Variants in RFPL1 observed in about 807,000 individuals in gnomAD.
The protein encoded by RFPL1 is ret finger protein like 1.
RFPL1 carries 6 observed loss-of-function variants against 9.6 expected under a neutral mutation model. The observed-to-expected ratio is 0.62, with a 90% CI of 0.34 to 1.23. RFPL1 has a LOEUF of 1.23. RFPL1 is among the 50% of genes most tolerant of loss of function. The pLI is 0.03. For missense variants in RFPL1, 352 were observed against 398.4 expected (o/e 0.88, Z 0.99); for synonymous variants, 145 against 149.4 (o/e 0.97, Z 0.22).
At chr22:29,440,856 T>A (rs549618950) in intron 1 of RFPL1, 2 of 152,532 alleles carry the variant, frequency 1.3e-5, no homozygotes, top group South Asian at 4.1e-4. Context: ...ATTACAGGTG[T>A]GAGCCACCGC....
At chr22:29,413,079 A>G in the RFPL1 span, among the ~76,000 whole-genome samples, 2 of 151,820 alleles carry the variant, frequency 1.3e-5, no homozygotes, top group East Asian at 3.9e-4. Flanking sequence ...AGAGCAGCAA[A>G]CGATTCTGCA....
upstream of RFPL1, chr22:29,438,179 CT>C (rs60607519): frequency 0.22 from 20,938 of 94,442 alleles, 1,205 homozygotes; most frequent in African/African-American, 0.24. Context: ...CAGTCCCTCT[CT>C]TTTTTTTTTT....
the RFPL1 span, among the ~76,000 whole-genome samples, chr22:29,428,083 C>G: frequency 2.0e-5 from 3 of 152,182 alleles, no homozygotes; most frequent in African/African-American, 7.2e-5. Flanking sequence ...GTGGATTTGT[C>G]AGCTTTCTTC....
the RFPL1 span, among the ~76,000 whole-genome samples, chr22:29,404,860 AG>A: frequency 6.6e-6 from 1 of 152,100 alleles, no homozygotes; most frequent in Non-Finnish European, 1.5e-5. Context: ...CCACGTACCT[AG>A]GTAAACAAGA....
the RFPL1 span, among the ~76,000 whole-genome samples, chr22:29,400,372 T>C: frequency 6.6e-6 from 1 of 152,220 alleles, no homozygotes; most frequent in South Asian, 2.1e-4. Context: ...ACAAGTCTAT[T>C]CAGAGAGCTG....
chr22:29,438,431 C>T (rs537000077), upstream of RFPL1: 7 of 288,744 alleles, frequency 2.4e-5, no homozygotes, highest in South Asian at 1.3e-4. Context: ...GATCCACTCA[C>T]GTCAGCCTCC....
the RFPL1 span, among the ~76,000 whole-genome samples, chr22:29,402,859 A>G: frequency 7.1e-6 from 1 of 140,234 alleles, no homozygotes. Flanking sequence ...CGAATAGTGC[A>G]GTCACCACAG....
At chr22:29,410,578 TATATC>T in the RFPL1 span, among the ~76,000 whole-genome samples, 1 of 133,590 alleles carries the variant, frequency 7.5e-6, no homozygotes. Flanking sequence ...ATATTGTAGA[TATATC>T]TATCTATATA....
At chr22:29,405,791 C>T in the RFPL1 span, among the ~76,000 whole-genome samples, 2 of 152,178 alleles carry the variant, frequency 1.3e-5, no homozygotes, top group African/African-American at 2.4e-5. Context: ...GCCCGTCCCT[C>T]GGGGCTAATG....
At chr22:29,424,934 G>T in the RFPL1 span, among the ~76,000 whole-genome samples, 1 of 149,912 alleles carries the variant, frequency 6.7e-6, no homozygotes, top group Non-Finnish European at 1.5e-5. Flanking sequence ...GCCAGGCGCG[G>T]TGGCTCACGC....
the RFPL1 span, among the ~76,000 whole-genome samples, chr22:29,430,069 G>C: frequency 6.6e-6 from 1 of 152,090 alleles, no homozygotes; most frequent in East Asian, 1.9e-4. Flanking sequence ...GATGTGACTC[G>C]TCTATGTAAT....
chr22:29,393,059 G>A, the RFPL1 span, among the ~76,000 whole-genome samples: 2 of 152,214 alleles, frequency 1.3e-5, no homozygotes, highest in African/African-American at 2.4e-5. Flanking sequence ...ATAACTCAGA[G>A]TGGTAGGAAG....
the RFPL1 span, among the ~76,000 whole-genome samples, chr22:29,392,993 TC>T: frequency 1.3e-5 from 2 of 151,946 alleles, no homozygotes; most frequent in African/African-American, 4.8e-5. Flanking sequence ...TATGGCACAA[TC>T]CCCCCTTGGG....
chr22:29,417,525 C>T, the RFPL1 span, among the ~76,000 whole-genome samples: 1 of 148,478 alleles, frequency 6.7e-6, no homozygotes, highest in Admixed American at 6.7e-5. Flanking sequence ...CTGGGCACCA[C>T]GAGGGCATGG....
the RFPL1 span, among the ~76,000 whole-genome samples, chr22:29,428,272 G>A: frequency 6.6e-6 from 1 of 152,044 alleles, no homozygotes; most frequent in Non-Finnish European, 1.5e-5. Flanking sequence ...GACATAGCAG[G>A]TCATTATATA....
At chr22:29,429,745 C>CA in the RFPL1 span, among the ~76,000 whole-genome samples, 1 of 152,054 alleles carries the variant, frequency 6.6e-6, no homozygotes, top group African/African-American at 2.4e-5. Flanking sequence ...AAGACCGCAC[C>CA]AAAAAACTGT....
chr22:29,422,699 C>T, the RFPL1 span, among the ~76,000 whole-genome samples: 3 of 151,956 alleles, frequency 2.0e-5, no homozygotes, highest in Non-Finnish European at 4.4e-5. Flanking sequence ...GCCAAGATCG[C>T]GCCACTGCAC....
the RFPL1 span, among the ~76,000 whole-genome samples, chr22:29,408,245 C>T: frequency 1.3e-5 from 2 of 152,200 alleles, no homozygotes; most frequent in East Asian, 3.8e-4. Flanking sequence ...CTGAACCATA[C>T]AGTGCCTTTC....
chr22:29,408,970 T>C, the RFPL1 span, among the ~76,000 whole-genome samples: 2 of 152,186 alleles, frequency 1.3e-5, no homozygotes, highest in Non-Finnish European at 2.9e-5. Context: ...ATAAAGGCCT[T>C]TGCCAACAGA....
Sources: allele counts gnomAD v4.1 joint callset (sites outside exome capture counted in the v4.1 genomes callset), GRCh38; gene constraint gnomAD v4.1.1; transcripts MANE v1.5; gene names NCBI Gene and HGNC (gene_info 2026-07-23, HGNC 2026-07-21).